Variants in PARL observed in about 807,000 individuals in gnomAD.
The protein encoded by PARL is presenilin-associated rhomboid-like protein, mitochondrial.
PARL carries 44 observed loss-of-function variants against 51.6 expected under a neutral mutation model. The ratio of observed to expected loss-of-function variants is 0.85; its 90% confidence interval spans 0.67 to 1.10. PARL has a LOEUF of 1.10. Ranked by LOEUF, PARL falls within the 50% of genes least tolerant of loss-of-function variation. The pLI is 0.00. For missense variants in PARL, 441 were observed against 469.5 expected (o/e 0.94, Z 0.56); for synonymous variants, 172 against 164.0 (o/e 1.05, Z -0.37).
chr3:183,844,740 T>C (rs3811724), intron 4 of PARL: 82,744 of 172,036 alleles, frequency 0.48, 20,314 homozygotes, highest in Middle Eastern at 0.57. Context: ...GGGCATGGTA[T>C]GCTTCTTAAA....
intron 7 of PARL, among the ~76,000 whole-genome samples, chr3:183,838,475 T>C (rs1215616385): frequency 1.3e-5 from 2 of 152,228 alleles, no homozygotes; most frequent in Non-Finnish European, 2.9e-5. Flanking sequence ...TGAATTTTAA[T>C]CACAGATTCA....
chr3:183,840,682 A>T, intron 6 of PARL, 42 bp from the exon 7 acceptor site: 1 of 990,152 alleles, frequency 1.0e-6, no homozygotes, highest in Non-Finnish European at 1.6e-6. Context: ...GTGAGGTATA[A>T]AAATGGTTTA....
intron 7 of PARL, among the ~76,000 whole-genome samples, chr3:183,840,344 T>A (rs1729145900): frequency 6.6e-6 from 1 of 152,204 alleles, no homozygotes; most frequent in Admixed American, 6.5e-5. Context: ...TGACCAATGG[T>A]TAAAAGCTAT....
intron 1 of PARL, among the ~76,000 whole-genome samples, chr3:183,881,959 G>A (rs1229107327): frequency 1.3e-5 from 2 of 151,730 alleles, no homozygotes; most frequent in Non-Finnish European, 2.9e-5. Context: ...TCCCAACACT[G>A]GGAGGCAGAG....
downstream of PARL, chr3:183,826,719 T>G: frequency 1.0e-6 from 1 of 985,116 alleles, no homozygotes; most frequent in South Asian, 4.7e-5. Context: ...AGGCGCCAGG[T>G]GTAGAGGGAG....
chr3:183,867,823 T>C lies in PARL; in HGVS notation c.321+42A>G, dbSNP rs141392202. 3.5e-4 allele frequency: 502 copies of C among 1,447,574 alleles called. 1 individual carries two copies. Among genetic ancestry groups the C allele is most frequent in the Non-Finnish European group, 4.7e-4 (484 of 1,030,570 alleles). 89.7% of individuals were successfully genotyped at this position (1,447,574 alleles called of 1,614,324 possible). ...TGGGACAAAGTACTTTAACACTGCA[T>C]TTCTAGCAAGGTAGGTAACTCCTAG... is the stretch of plus-strand genomic sequence containing the variant. On this transcript the variant is annotated intron_variant, in intron 2 of 9. Transcript: ENST00000317096.
intron 4 of PARL, among the ~76,000 whole-genome samples, chr3:183,847,215 G>A (rs751521915): frequency 2.6e-5 from 4 of 152,162 alleles, no homozygotes; most frequent in African/African-American, 9.7e-5. Flanking sequence ...AGGCCTAACC[G>A]CTCAGCTTGT....
chr3:183,862,493 A>T (rs1731952716), intron 4 of PARL: 6 of 450,414 alleles, frequency 1.3e-5, no homozygotes, highest in Non-Finnish European at 2.0e-5. Context: ...TTAATAAGCT[A>T]TTCCACAAGC....
intron 4 of PARL, among the ~76,000 whole-genome samples, chr3:183,854,174 A>G (rs1356176929): frequency 6.6e-6 from 1 of 152,152 alleles, no homozygotes; most frequent in Non-Finnish European, 1.5e-5. Context: ...CCTGGGAGGT[A>G]GAGCTTGCAG....
chr3:183,860,116 G>A (rs6809370), intron 4 of PARL, among the ~76,000 whole-genome samples: 71,671 of 151,442 alleles, frequency 0.47, 17,131 homozygotes, highest in Middle Eastern at 0.57. Context: ...GTGGGACGGA[G>A]TAGACCTGTC....
At chr3:183,841,084 G>C (rs1465532809) in intron 6 of PARL, among the ~76,000 whole-genome samples, 1 of 152,080 alleles carries the variant, frequency 6.6e-6, no homozygotes, top group Non-Finnish European at 1.5e-5. Flanking sequence ...ACTATAACAT[G>C]AAGACTCATT....
intron 4 of PARL, among the ~76,000 whole-genome samples, chr3:183,854,169 G>A (rs1730869881): frequency 6.6e-6 from 1 of 152,164 alleles, no homozygotes. Flanking sequence ...CTGAACCTGG[G>A]AGGTAGAGCT....
At chr3:183,869,569 C>T (rs935035842) in intron 1 of PARL, among the ~76,000 whole-genome samples, 1 of 151,764 alleles carries the variant, frequency 6.6e-6, no homozygotes, top group Non-Finnish European at 1.5e-5. Context: ...ATTATGATAT[C>T]CCTTCTAGAA....
intron 1 of PARL, chr3:183,883,697 T>C (rs928669799): frequency 1.0e-6 from 1 of 985,010 alleles, no homozygotes; most frequent in South Asian, 4.7e-5. Context: ...TGTTAGTGTA[T>C]GAAGATACAA....
At position 183,868,037 on chromosome 3, in the gene PARL, T is replaced by C; in HGVS notation, c.149A>G (p.Lys50Arg). 1 of 1,614,128 alleles carries C rather than the reference T, an allele frequency of 6.2e-7. No individual in the cohort carries two copies. The highest frequency in any genetic ancestry group is 8.5e-7 in the Non-Finnish European group (1 of 1,179,976). Residue 50 changes from lysine (K) to arginine (R), a missense_variant, in exon 2 of 10, where the codon AAA (lysine) becomes AGA (arginine). Physicochemically the swap from Lys to Arg is conservative, Grantham distance 26. Coordinates refer to ENST00000317096, the MANE Select transcript of PARL (RefSeq NM_018622.7). ...CCTGGGTGCTTTTCTGAATCCGCAT[T>C]TTTGTTGAATAAAGAAGTTAAACCT... ...GRRFNFFIQQ[K>R]CGFRKAPRKV...
At chr3:183,878,635 C>T (rs536603110) in intron 1 of PARL, among the ~76,000 whole-genome samples, 1 of 152,220 alleles carries the variant, frequency 6.6e-6, no homozygotes, top group South Asian at 2.1e-4. Context: ...TCTCATGTGC[C>T]GCCAGAGTCA....
chr3:183,826,632 A>G, downstream of PARL: 1 of 985,388 alleles, frequency 1.0e-6, no homozygotes, highest in Non-Finnish European at 1.2e-6. Flanking sequence ...AGTTGTAGCA[A>G]AGTGACATGA....
chr3:183,863,961 C>T (rs992515258), intron 3 of PARL, among the ~76,000 whole-genome samples: 1 of 152,140 alleles, frequency 6.6e-6, no homozygotes, highest in Non-Finnish European at 1.5e-5. Context: ...TATCATTTTT[C>T]ACCATTCTCA....
At chr3:183,837,500 C>T (rs1410113266) in intron 7 of PARL, among the ~76,000 whole-genome samples, 3 of 152,214 alleles carry the variant, frequency 2.0e-5, no homozygotes, top group Non-Finnish European at 4.4e-5. Flanking sequence ...CACCCTTGCT[C>T]CTCCTAGCCA....
Sources: allele counts gnomAD v4.1 joint callset (sites outside exome capture counted in the v4.1 genomes callset), GRCh38; gene constraint gnomAD v4.1.1; transcripts MANE v1.5; gene names NCBI Gene and HGNC (gene_info 2026-07-23, HGNC 2026-07-21).